Variants in GRM5 observed in about 807,000 individuals in gnomAD.
GRM5 encodes glutamate metabotropic receptor 5.
A neutral mutation model predicts 83.1 loss-of-function variants in GRM5; 19 were observed. The ratio of observed to expected loss-of-function variants is 0.23; its 90% CI spans 0.16 to 0.34. GRM5 has a LOEUF of 0.34. GRM5 is among the 10% of genes least tolerant of loss of function. The pLI is 1.00. For missense variants in GRM5, 1,160 were observed against 1,588.3 expected, an observed-to-expected ratio of 0.73 and a Z score of 4.58; for synonymous variants, 675 against 633.6, an observed-to-expected ratio of 1.07 and a Z score of -0.98.
At chr11:88,941,585 G>A (rs1169074328) in intron 2 of GRM5, among the ~76,000 whole-genome samples, 4 of 120,780 alleles carry the variant, frequency 3.3e-5, no homozygotes, top group Non-Finnish European at 5.2e-5. Flanking sequence ...GAGAGGGAAG[G>A]GGAGGGGAGG....
chr11:88,882,240 A>G (rs1263648992), intron 2 of GRM5, among the ~76,000 whole-genome samples: 1 of 145,526 alleles, frequency 6.9e-6, no homozygotes, highest in African/African-American at 2.7e-5. Context: ...CTGAATCAAA[A>G]TAAGTAAGTA....
intron 3 of GRM5, among the ~76,000 whole-genome samples, chr11:88,724,432 T>C (rs1157044384): frequency 2.6e-5 from 4 of 152,272 alleles, no homozygotes; most frequent in South Asian, 2.1e-4. Flanking sequence ...CATGGTGTTA[T>C]TGCACAGTTC....
At chr11:88,531,275 A>G (rs924963499) in intron 8 of GRM5, among the ~76,000 whole-genome samples, 4 of 152,094 alleles carry the variant, frequency 2.6e-5, no homozygotes, top group Non-Finnish European at 5.9e-5. Flanking sequence ...ATTGGGTTTC[A>G]ATTTAAGAAA....
At chr11:88,546,632 G>A (rs993622765) in intron 8 of GRM5, among the ~76,000 whole-genome samples, 1 of 151,916 alleles carries the variant, frequency 6.6e-6, no homozygotes, top group African/African-American at 2.4e-5. Flanking sequence ...TCTTAATATG[G>A]GCCCTATGTG....
At chr11:88,716,444 T>G (rs538658754) in intron 3 of GRM5, among the ~76,000 whole-genome samples, 7 of 151,834 alleles carry the variant, frequency 4.6e-5, no homozygotes, top group Admixed American at 2.0e-4. Flanking sequence ...GAGATTGAAT[T>G]GGCCCCAATG....
intron 3 of GRM5, among the ~76,000 whole-genome samples, chr11:88,661,064 T>C (rs556034336): frequency 7.9e-5 from 12 of 152,316 alleles, no homozygotes; most frequent in African/African-American, 2.9e-4. Context: ...TCTGCTCTCA[T>C]AGAGGTAACA....
At chr11:88,756,763 G>A (rs1312600974) in intron 3 of GRM5, among the ~76,000 whole-genome samples, 1 of 151,994 alleles carries the variant, frequency 6.6e-6, no homozygotes, top group Non-Finnish European at 1.5e-5. Context: ...AAAAAGGTAG[G>A]AGAAGAGTAA....
intron 3 of GRM5, among the ~76,000 whole-genome samples, chr11:88,667,779 G>T (rs980489932): frequency 6.6e-6 from 1 of 152,052 alleles, no homozygotes; most frequent in East Asian, 1.9e-4. Flanking sequence ...TGTAGTCCCA[G>T]CTACTTGGGA....
chr11:88,573,732 A>G (rs1369618007), intron 7 of GRM5, among the ~76,000 whole-genome samples: 1 of 152,236 alleles, frequency 6.6e-6, no homozygotes, highest in Admixed American at 6.5e-5. Context: ...TCCAGAGCAC[A>G]AGGTGTTGAC....
chr11:88,851,418 C>A (rs181707025), intron 2 of GRM5, among the ~76,000 whole-genome samples: 1 of 152,210 alleles, frequency 6.6e-6, no homozygotes, highest in South Asian at 2.1e-4. Flanking sequence ...TAATAAGGAG[C>A]ACTGTGGGCA....
chr11:89,055,164 T>C (rs567700701), intron 1 of GRM5, among the ~76,000 whole-genome samples: 1 of 152,298 alleles, frequency 6.6e-6, no homozygotes, highest in South Asian at 2.1e-4. Flanking sequence ...TCCAATTGTC[T>C]TCATAGCAGA....
At chr11:88,848,931 T>C (rs1007923002) in intron 3 of GRM5, among the ~76,000 whole-genome samples, 2 of 152,230 alleles carry the variant, frequency 1.3e-5, no homozygotes, top group African/African-American at 4.8e-5. Flanking sequence ...TTTTGCCTGA[T>C]AGCATGAGAT....
intron 1 of GRM5, among the ~76,000 whole-genome samples, chr11:89,054,493 A>T (rs1941830317): frequency 6.6e-6 from 1 of 152,208 alleles, no homozygotes. Flanking sequence ...TAGGGGGCTG[A>T]ATTCTGAAGA....
intron 3 of GRM5, among the ~76,000 whole-genome samples, chr11:88,792,974 G>C (rs761175562): frequency 7.2e-5 from 11 of 152,102 alleles, no homozygotes; most frequent in Non-Finnish European, 1.5e-4. Context: ...ATACTATTTA[G>C]AGTAAGACGG....
chr11:88,956,109 G>T (rs919915629), intron 2 of GRM5, among the ~76,000 whole-genome samples: 5 of 152,162 alleles, frequency 3.3e-5, no homozygotes, highest in African/African-American at 1.2e-4. Flanking sequence ...ATTCACAAGT[G>T]AGAATCTGAA....
intron 3 of GRM5, among the ~76,000 whole-genome samples, chr11:88,696,369 A>G (rs190063871): frequency 1.6e-4 from 25 of 152,190 alleles, no homozygotes; most frequent in African/African-American, 5.8e-4. Context: ...GTCTTGAAAA[A>G]TGCAACATTT....
intron 2 of GRM5, among the ~76,000 whole-genome samples, chr11:88,864,514 T>A (rs1337394056): frequency 6.6e-6 from 1 of 152,082 alleles, no homozygotes; most frequent in Admixed American, 6.6e-5. Flanking sequence ...TTTTTGCACA[T>A]TGATTTTGTA....
At position 88,854,058 on chromosome 11, in the gene GRM5, G is replaced by GTATATATATATATATATATATATATA. The variant is rs10525785; in HGVS notation, c.662-3904_662-3903insTATATATATATATATATATATATATA. Among the ~76,000 whole-genome samples the GTATATATATATATATATATATATATA allele has an allele frequency of 3.0e-3, 368 of 120,844 alleles. 2 individuals carry two copies. The highest frequency in any genetic ancestry group is 0.011 in the Admixed American group (131 of 11,670). 79.3% of individuals were successfully genotyped at this position (120,844 alleles called of 152,430 possible). ...AGATAAATGAATTAAAAAATGTGGT[G>GTATATATATATATATATATATATATA]TATATATATATATATATATACACAA... On this transcript the variant is annotated intron_variant, in intron 2 of 9. Coordinates refer to ENST00000305447, the MANE Select transcript of GRM5 (RefSeq NM_001143831.3).
In GRM5 at chr11:88,568,045, C is replaced by A; in HGVS notation, c.1691-53G>T. 2.6e-6 allele frequency: 3 copies of A among 1,167,608 alleles called. No homozygotes were observed. In the South Asian group the frequency reaches 4.2e-5, roughly 17 times the overall value. The allele number at this position is 1,167,608 out of a possible 1,614,324, so 72.3% of individuals were successfully genotyped here. On this transcript the variant is annotated intron_variant, in intron 7 of 9. Transcript: ENST00000305447. ...AGGAGGGAGAGATGTTGACTTGGGT[C>A]ACATATCCCTAAGTTACAAGCAGCT...
Sources: gnomAD v4.1 joint callset for allele counts (sites outside exome capture counted in the v4.1 genomes callset) on GRCh38, gnomAD v4.1.1 for gene constraint, MANE v1.5 for transcripts, NCBI Gene and HGNC (gene_info 2026-07-23, HGNC 2026-07-21) for gene names.